The following OR2M4 variants were observed in gnomAD, a reference collection of about 807,000 sequenced individuals.
The protein encoded by OR2M4 is olfactory receptor 2M4.
A neutral mutation model predicts 13.7 loss-of-function variants in OR2M4; 8 were observed. The ratio of observed to expected loss-of-function variants is 0.58; its 90% CI spans 0.34 to 1.05. The LOEUF (loss-of-function observed/expected upper bound fraction) is 1.05. Among genes scored for constraint, OR2M4 ranks in the 50% least tolerant of loss-of-function variants. The pLI is 0.02. For missense variants in OR2M4, 374 were observed against 381.6 expected, an observed-to-expected ratio of 0.98 and a Z score of 0.17; for synonymous variants, 152 against 141.3, an observed-to-expected ratio of 1.08 and a Z score of -0.53.
intron 1 of OR2M4, among the ~76,000 whole-genome samples, chr1:248,236,125 A>G (rs1051363166): frequency 3.3e-5 from 5 of 152,176 alleles, no homozygotes; most frequent in Non-Finnish European, 5.9e-5. Context: ...TAGCACCCAC[A>G]TAGAACTTAC....
chr1:248,234,658 C>A (rs1410433582), intron 1 of OR2M4, among the ~76,000 whole-genome samples: 1 of 151,978 alleles, frequency 6.6e-6, no homozygotes, highest in Non-Finnish European at 1.5e-5. Context: ...TGATGTCCTT[C>A]CTTTTTATGG....
At chr1:248,233,041 GTTTAA>G (rs1440709045) in intron 1 of OR2M4, among the ~76,000 whole-genome samples, 2 of 152,026 alleles carry the variant, frequency 1.3e-5, no homozygotes, top group Non-Finnish European at 2.9e-5. Context: ...TGACATAACA[GTTTAA>G]TTTAGTTAAG....
intron 1 of OR2M4, 100 bp from the exon 2 acceptor site, chr1:248,238,810 G>C (rs1666583080): frequency 1.5e-6 from 1 of 665,438 alleles, no homozygotes; most frequent in Non-Finnish European, 2.6e-6. Context: ...TTGGTGAGAA[G>C]GCCTTATGCA....
At chr1:248,236,454 A>G (rs1205314783) in intron 1 of OR2M4, among the ~76,000 whole-genome samples, 2 of 152,164 alleles carry the variant, frequency 1.3e-5, no homozygotes, top group Non-Finnish European at 2.9e-5. Context: ...CCACATCAGA[A>G]AGTAAGAAAG....
Position 248,239,714 on chromosome 1 carries a change from A to G in OR2M4, c.786A>G (p.Pro262=). The G allele has an allele frequency of 6.2e-7, 1 of 1,614,130 alleles. No individual in the cohort carries two copies. Among genetic ancestry groups the G allele is most frequent in the Non-Finnish European group, 8.5e-7 (1 of 1,180,028 alleles). Residue 262 remains proline (P), a synonymous_variant, in exon 2 of 2, where the codon CCA becomes CCG. Transcript: ENST00000641868. ...YGAAMFMYMR[P]ASKHTPDQDK... ...CTGCTATGTTCATGTACATGAGACC[A>G]GCTTCTAAACATACGCCAGACCAGG...
At position 248,239,341 on chromosome 1, in the gene OR2M4, C is replaced by T. The variant is rs144805988; in HGVS notation, c.413C>T (p.Pro138Leu). ...HPLQYTILMN[P>L]KLCVFMTVAS... is the part of the protein sequence containing the mutation. Reference sequence around the variant, plus strand: ...CTTCAGTACACCATCCTCATGAATCCGAAACTCTGTGTCTTCATGACTGTT... The same window carrying T: ...CTTCAGTACACCATCCTCATGAATCTGAAACTCTGTGTCTTCATGACTGTT... The change falls in exon 2 of 2, where the codon CCG becomes CTG. Residue 138 changes from proline (P) to leucine (L), a missense_variant. By Grantham distance (98) the Pro-to-Leu change is moderately conservative (BLOSUM62 -3). Coordinates refer to ENST00000641868, the MANE Select transcript of OR2M4 (RefSeq NM_017504.2). The T allele has an allele frequency of 6.6e-5, 106 of 1,613,958 alleles. 1 individual carries two copies. The highest frequency in any genetic ancestry group is 6.5e-4 in the South Asian group (59 of 91,072).
chr1:248,243,308 G>C lies in OR2M4; in HGVS notation c.*3444G>C, dbSNP rs1666634393. The stretch of plus-strand genomic sequence containing the variant: ...AGTTTGGGCTGTAATCCAGTAGATG[G>C]CGCCTAAGAGTAATGCCCGTAGAGA... On this transcript the variant is annotated 3_prime_UTR_variant, in exon 2 of 2. Coordinates refer to ENST00000641868, the MANE Select transcript of OR2M4 (RefSeq NM_017504.2). 6.6e-6 allele frequency: 1 copy of C among 152,040 alleles called. No individual in the cohort carries two copies. Among genetic ancestry groups the C allele is most frequent in the African/African-American group, 2.4e-5 (1 of 41,380 alleles). The allele number at this position is 152,040 out of a possible 1,614,324, so 9.4% of individuals were successfully genotyped here. A position where few individuals can be genotyped will look rare whatever the true frequency, so the allele number is the denominator to read the frequency against.
intron 1 of OR2M4, among the ~76,000 whole-genome samples, chr1:248,233,243 G>T (rs1666521488): frequency 6.6e-6 from 1 of 152,024 alleles, no homozygotes; most frequent in South Asian, 2.1e-4. Context: ...TTTCAAACTA[G>T]TTTTCACTTT....
At chr1:248,236,327 A>C (rs566592200) in intron 1 of OR2M4, among the ~76,000 whole-genome samples, 38 of 152,314 alleles carry the variant, frequency 2.5e-4, no homozygotes, top group African/African-American at 9.1e-4. Context: ...TAAATAATTA[A>C]ATTGAGACAG....
Position 248,240,597 on chromosome 1 carries a change from G to T in OR2M4, c.*733G>T, listed in dbSNP as rs948258694. ...GCAGAGCAAGATGATGGAATAGAAG[G>T]CTCCACTGATCGTTCACATGCAAGG... On this transcript the variant is annotated 3_prime_UTR_variant, in exon 2 of 2. Coordinates refer to ENST00000641868, the MANE Select transcript of OR2M4 (RefSeq NM_017504.2). 2.0e-5 allele frequency: 3 copies of T among 152,144 alleles called. No individual in the cohort carries two copies. Among genetic ancestry groups the T allele is most frequent in the East Asian group, 1.9e-4 (1 of 5,194 alleles). The allele number at this position is 152,144 out of a possible 1,614,324, so 9.4% of individuals were successfully genotyped here.
Position 248,243,327 on chromosome 1 carries a change from G to C in OR2M4, c.*3463G>C, listed in dbSNP as rs1666634600. ...TAGATGGCGCCTAAGAGTAATGCCC[G>C]TAGAGAGGCTCTTGATCGGCCACTT... On this transcript the variant is annotated 3_prime_UTR_variant, in exon 2 of 2. Coordinates refer to ENST00000641868, the MANE Select transcript of OR2M4 (RefSeq NM_017504.2). The C allele has an allele frequency of 1.3e-5, 2 of 152,238 alleles. No individual in the cohort carries two copies. Among genetic ancestry groups the C allele is most frequent in the East Asian group, 3.9e-4 (2 of 5,172 alleles). The allele number at this position is 152,238 out of a possible 1,614,324, so 9.4% of individuals were successfully genotyped here. A position where few individuals can be genotyped will look rare whatever the true frequency, so the allele number is the denominator to read the frequency against.
chr1:248,237,761 A>G (rs1037006942), intron 1 of OR2M4, among the ~76,000 whole-genome samples: 1 of 152,220 alleles, frequency 6.6e-6, no homozygotes, highest in Non-Finnish European at 1.5e-5. Flanking sequence ...AGCCAATATC[A>G]CGCTGAATGA....
Position 248,239,509 on chromosome 1 carries a change from C to T in OR2M4, c.581C>T (p.Ala194Val), listed in dbSNP as rs2103023181. Residue 194 changes from alanine to valine, a missense_variant, in exon 2 of 2, where the codon GCA (alanine) becomes GTA (valine). Transcript: ENST00000641868. ...LLPLSCTETS[A>V]FERLLVICCV... ...CCTCTATCCTGCACAGAAACATCTG[C>T]ATTTGAAAGACTACTTGTCATTTGT... is the stretch of plus-strand genomic sequence containing the variant. 1 of 1,614,044 alleles carries T rather than the reference C, an allele frequency of 6.2e-7. No homozygotes were observed. The highest frequency in any genetic ancestry group is 8.5e-7 in the Non-Finnish European group (1 of 1,179,964).
rs558227981 is a variant in OR2M4 at position 248,243,075 on chromosome 1, C to G, written c.*3211C>G. The G allele has an allele frequency of 2.0e-5, 3 of 151,800 alleles. No individual in the cohort carries two copies. Among genetic ancestry groups the G allele is most frequent in the Non-Finnish European group, 4.4e-5 (3 of 67,986 alleles). 9.4% of individuals were successfully genotyped at this position (151,800 alleles called of 1,614,324 possible). A position where few individuals can be genotyped will look rare whatever the true frequency, so the allele number is the denominator to read the frequency against. ...CGTATATGTGAATCTAATTTTTCAA[C>G]TGTAAATTTTATTAAATTTAAATGC... is the stretch of plus-strand genomic sequence containing the variant. On this transcript the variant is annotated 3_prime_UTR_variant, in exon 2 of 2. Coordinates refer to ENST00000641868, the MANE Select transcript of OR2M4 (RefSeq NM_017504.2).
In OR2M4 at chr1:248,238,966, T is replaced by C; in HGVS notation, c.38T>C (p.Ile13Thr). ...AACCAGACCTTCAACTCCATCTTCA[T>C]CCTGCTGGGAATCTTCAATCACAGT... is the stretch of plus-strand genomic sequence containing the variant. ...WENQTFNSIFILLGIFNHSPT... is the reference protein window; with the variant it reads ...WENQTFNSIFTLLGIFNHSPT... The change falls in exon 2 of 2, where the codon ATC (isoleucine) becomes ACC (threonine). Residue 13 changes from isoleucine (I) to threonine (T), a missense_variant. Ile to Thr is a moderately conservative substitution (Grantham distance 89). Transcript: ENST00000641868. 6.2e-7 allele frequency: 1 copy of C among 1,610,166 alleles called. No homozygotes were observed. Among genetic ancestry groups the C allele is most frequent in the Non-Finnish European group, 8.5e-7 (1 of 1,178,290 alleles).
In OR2M4 at chr1:248,243,773, G is replaced by A. The variant is rs776033837; in HGVS notation, c.*3909G>A. ...AGTAAACAGACAATCTACAGAATGG[G>A]AGAAGATATTAGCAAAATGTGCATC... On this transcript the variant is annotated 3_prime_UTR_variant, in exon 2 of 2. Coordinates refer to ENST00000641868, the MANE Select transcript of OR2M4 (RefSeq NM_017504.2). 1.2e-4 allele frequency: 19 copies of A among 152,124 alleles called. No homozygotes were observed. The highest frequency in any genetic ancestry group is 1.0e-3 in the Admixed American group (16 of 15,268). The allele number at this position is 152,124 out of a possible 1,614,324, so 9.4% of individuals were successfully genotyped here. A position where few individuals can be genotyped will look rare whatever the true frequency, so the allele number is the denominator to read the frequency against.
chr1:248,239,894 G>A lies in OR2M4; in HGVS notation c.*30G>A, dbSNP rs1445713838. Reference sequence around the variant, plus strand: ...ATCAAAATCTTTTTGAGTGCCTACTGTGGTCAACACTCATTCAAAAAAACT... The same window carrying A: ...ATCAAAATCTTTTTGAGTGCCTACTATGGTCAACACTCATTCAAAAAAACT... On this transcript the variant is annotated 3_prime_UTR_variant, in exon 2 of 2. Transcript: ENST00000641868. 1.4e-6 allele frequency: 2 copies of A among 1,395,700 alleles called. No homozygotes were observed. Among genetic ancestry groups the A allele is most frequent in the East Asian group, 2.3e-5 (1 of 43,246 alleles). The allele number at this position is 1,395,700 out of a possible 1,614,324, so 86.5% of individuals were successfully genotyped here.
chr1:248,236,374 A>G (rs1558261088), intron 1 of OR2M4, among the ~76,000 whole-genome samples: 1 of 152,182 alleles, frequency 6.6e-6, no homozygotes, highest in East Asian at 1.9e-4. Context: ...GAGAACAAAG[A>G]GACAATGTAT....
chr1:248,235,912 G>A (rs922057856), intron 1 of OR2M4, among the ~76,000 whole-genome samples: 1 of 152,026 alleles, frequency 6.6e-6, no homozygotes, highest in African/African-American at 2.4e-5. Context: ...TGAGACAATG[G>A]GGTTTTCTAG....
Sources: gnomAD v4.1 joint callset for allele counts (sites outside exome capture counted in the v4.1 genomes callset) on GRCh38, gnomAD v4.1.1 for gene constraint, MANE v1.5 for transcripts, NCBI Gene and HGNC (gene_info 2026-07-23, HGNC 2026-07-21) for gene names.